Variants in RIPOR2 observed in about 807,000 individuals in gnomAD.
RIPOR2 encodes RHO family interacting cell polarization regulator 2, also known as rho family-interacting cell polarization regulator 2.
Under a neutral mutation model 114.5 loss-of-function variants are expected in RIPOR2, and 39 were observed. The observed-to-expected ratio is 0.34, with a 90% CI of 0.26 to 0.44. The LOEUF (loss-of-function observed/expected upper bound fraction) is 0.44, where lower values mean the gene tolerates loss of function less well. Among genes scored for constraint, RIPOR2 ranks in the 20% least tolerant of loss-of-function variants. The pLI is 1.00. For synonymous variants in RIPOR2, 445 were observed against 484.4 expected (o/e 0.92, Z 1.07); for missense variants, 1,007 against 1,255.1 (o/e 0.80, Z 2.99).
intron 12 of RIPOR2, among the ~76,000 whole-genome samples, chr6:24,845,739 G>A (rs1762198274): frequency 6.6e-6 from 1 of 152,184 alleles, no homozygotes; most frequent in African/African-American, 2.4e-5. Context: ...ACTGAGGGAT[G>A]ACATCATGAG....
At chr6:24,933,044 A>C (rs1771524392) in intron 1 of RIPOR2, among the ~76,000 whole-genome samples, 1 of 152,316 alleles carries the variant, frequency 6.6e-6, no homozygotes. Context: ...CTCCAGCTAT[A>C]CCACAGCAGG....
rs545901793 is a variant in RIPOR2, at chr6:24,977,078, T to G, written c.76+64773A>C. The stretch of plus-strand genomic sequence containing the variant: ...TTTGCTTGCAGTATCCCAGTATCTT[T>G]GTGCTCTTGCTGCAGTTCCCTTTGG... On this transcript the variant is annotated intron_variant, in intron 1 of 13. Transcript: ENST00000510784. 1.4e-5 allele frequency: 18 copies of G among 1,249,588 alleles called. No homozygotes were observed. In the Admixed American group the frequency reaches 3.1e-4, roughly 21 times the overall value. The allele number at this position is 1,249,588 out of a possible 1,614,324, so 77.4% of individuals were successfully genotyped here.
intron 1 of RIPOR2, among the ~76,000 whole-genome samples, chr6:24,974,901 A>T (rs1773968164): frequency 6.6e-6 from 1 of 152,244 alleles, no homozygotes. Context: ...AAAAAACTAC[A>T]TATTGTATGA....
intron 1 of RIPOR2, among the ~76,000 whole-genome samples, chr6:24,923,766 T>G (rs551985512): frequency 6.6e-6 from 1 of 152,094 alleles, no homozygotes; most frequent in African/African-American, 2.4e-5. Flanking sequence ...GAGAATCACT[T>G]GAATCTGGGA....
In RIPOR2 at chr6:24,983,097, T is replaced by C. The variant is rs552614857; in HGVS notation, c.76+58754A>G. ...AGGATCTACTCAGGGGACTAGAATC[T>C]ATGCTCCTGGGTTGTTGCAGTCCGC... On this transcript the variant is annotated intron_variant, in intron 1 of 13. Coordinates refer to the RIPOR2 transcript ENST00000510784. Among the ~76,000 whole-genome samples the C allele has an allele frequency of 3.9e-5, 6 of 152,236 alleles. No individual in the cohort carries two copies. The East Asian group carries it at 1.2e-3, about 29-fold the overall frequency.
intron 1 of RIPOR2, among the ~76,000 whole-genome samples, chr6:24,992,080 T>C (rs1210775174): frequency 2.0e-5 from 3 of 152,208 alleles, no homozygotes; most frequent in Non-Finnish European, 4.4e-5. Context: ...GGTCAGAGTG[T>C]TGTATTAACA....
intron 16 of RIPOR2, among the ~76,000 whole-genome samples, 192 bp downstream of exon 16, chr6:24,832,064 T>C (rs1760731782): frequency 6.6e-6 from 1 of 152,208 alleles, no homozygotes; most frequent in South Asian, 2.1e-4. Flanking sequence ...AAAAACTGTG[T>C]GTCTGCTGCT....
intron 1 of RIPOR2, chr6:25,015,362 G>GCTGATGTGTAAATGTGT (rs1270894548): frequency 3.3e-5 from 5 of 152,222 alleles, no homozygotes; most frequent in African/African-American, 1.2e-4. Context: ...CATGGCAACA[G>GCTGATGTGTAAATGTGT]AAATACACAC....
At chr6:24,877,281 G>A (rs938940711) in intron 1 of RIPOR2, 60 of 985,262 alleles carry the variant, frequency 6.1e-5, no homozygotes, top group Non-Finnish European at 6.4e-5. Context: ...CCTCCCCCAT[G>A]TTGCTGCAGG....
chr6:24,859,538 C>T (rs1457592826), intron 8 of RIPOR2, among the ~76,000 whole-genome samples: 1 of 151,858 alleles, frequency 6.6e-6, no homozygotes, highest in African/African-American at 2.4e-5. Context: ...AGAGAATGGA[C>T]CTAAAAAATG....
intron 1 of RIPOR2, 81 bp from the exon 2 acceptor site, chr6:24,875,898 G>A (rs890423114): frequency 3.0e-6 from 4 of 1,330,152 alleles, no homozygotes; most frequent in African/African-American, 2.9e-5. Flanking sequence ...CAATGATAAA[G>A]GATGTAAAGT....
At position 25,037,126 on chromosome 6, in the gene RIPOR2, T is replaced by C. The variant is rs1777287778; in HGVS notation, c.76+4725A>G. On this transcript the variant is annotated intron_variant, in intron 1 of 13. Transcript: ENST00000510784. The surrounding 1 kb of genome is among the most constrained non-coding windows in gnomAD (Gnocchi z 4.5). ...TTTTATGTCTTTTAATCCCCTCCAA[T>C]AACAATGGGAGGTGGGTGTTACTGT... Among the ~76,000 whole-genome samples, 1 of 152,138 alleles carries C rather than the reference T, an allele frequency of 6.6e-6. No individual in the cohort carries two copies. The highest frequency in any genetic ancestry group is 2.1e-4 in the South Asian group (1 of 4,830).
intron 11 of RIPOR2, 91 bp downstream of exon 11, chr6:24,849,711 T>C: frequency 3.5e-6 from 4 of 1,154,482 alleles, no homozygotes; most frequent in East Asian, 4.9e-5. Flanking sequence ...ACAAGCTCCC[T>C]GGTGATGCGG....
intron 12 of RIPOR2, 136 bp downstream of exon 12, chr6:24,847,889 G>C (rs950076383): frequency 5.7e-5 from 71 of 1,244,226 alleles, no homozygotes; most frequent in Non-Finnish European, 7.3e-5. Context: ...GGCAAGGAGA[G>C]AGGAAAAACA....
chr6:24,881,659 G>T (rs1311219772), intron 1 of RIPOR2, among the ~76,000 whole-genome samples: 1 of 152,096 alleles, frequency 6.6e-6, no homozygotes. Flanking sequence ...ACATATCAGG[G>T]TCTTTTGAAA....
intron 1 of RIPOR2, among the ~76,000 whole-genome samples, chr6:24,886,989 A>G (rs1393161577): frequency 6.6e-6 from 1 of 152,090 alleles, no homozygotes; most frequent in Non-Finnish European, 1.5e-5. Context: ...TAATCCTTTC[A>G]TTCATTCATT....
rs73731448 is a variant in RIPOR2 at position 24,928,148 on chromosome 6, T to A, written c.61+7690A>T. On this transcript the variant is annotated intron_variant, in intron 1 of 21. Coordinates refer to ENST00000643898, the MANE Select transcript of RIPOR2 (RefSeq NM_001286445.3). Reference sequence around the variant, plus strand: ...TTTTAGAGATGCTTGTGGAGATTAATAGGGGTGTGAGTCATGCCCTACCTC... The same window carrying A: ...TTTTAGAGATGCTTGTGGAGATTAAAAGGGGTGTGAGTCATGCCCTACCTC... 8.1e-3 allele frequency among the ~76,000 whole-genome samples: 1,228 copies of A among 152,330 alleles called. 19 individuals are homozygous for A. Among genetic ancestry groups the A allele is most frequent in the African/African-American group, 0.021 (879 of 41,566 alleles).
At chr6:24,912,117 A>G (rs867295714) in intron 1 of RIPOR2, among the ~76,000 whole-genome samples, 1 of 152,240 alleles carries the variant, frequency 6.6e-6, no homozygotes, top group African/African-American at 2.4e-5. Context: ...ACCTAGGAAT[A>G]CAACAGAAAG....
At chr6:24,869,958 G>A (rs556859357) in intron 5 of RIPOR2, among the ~76,000 whole-genome samples, 95 of 152,108 alleles carry the variant, frequency 6.2e-4, no homozygotes, top group Non-Finnish European at 8.2e-4. Flanking sequence ...GCATTTATTT[G>A]CCTTTTAAAA....
Sources: allele counts gnomAD v4.1 joint callset (sites outside exome capture counted in the v4.1 genomes callset), GRCh38; gene constraint gnomAD v4.1.1; non-coding constraint Gnocchi (gnomAD v3.1); transcripts MANE v1.5; gene names NCBI Gene and HGNC (gene_info 2026-07-23, HGNC 2026-07-21).